KCNT2: variants seen among roughly 807,000 people sequenced by gnomAD.
The protein encoded by KCNT2 is potassium sodium-activated channel subfamily T member 2, also known as potassium channel subfamily T member 2.
A neutral mutation model predicts 153.8 loss-of-function variants in KCNT2; 67 were observed. That is an observed-to-expected ratio of 0.44 (90% CI 0.36 to 0.53). The LOEUF is 0.53. KCNT2 is among the 20% of genes least tolerant of loss of function. The probability of loss-of-function intolerance (pLI) is 0.00; values close to 1 mark genes in which losing one functional copy is unlikely to be tolerated. For missense variants in KCNT2, 975 were observed against 1,354.8 expected (o/e 0.72, Z 4.40); for synonymous variants, 500 against 458.8 (o/e 1.09, Z -1.15).
intron 13 of KCNT2, among the ~76,000 whole-genome samples, chr1:196,394,119 G>A (rs1036818132): frequency 6.6e-6 from 1 of 151,488 alleles, no homozygotes; most frequent in South Asian, 2.1e-4. Context: ...AAAAAATAAT[G>A]ATATTGTGAG....
rs1256068800 is a variant in KCNT2 at position 196,228,240 on chromosome 1, T to G, written c.3392A>C (p.Glu1131Ala). ...ICNVTGQDSR[E>A]ETQL ...TTATTTTTATCAAAGTTGAGTTTCC[T>G]CCCGAGAATCTTGACCAGTGACATT... The change falls in exon 28 of 28, where the codon GAG becomes GCG. Residue 1131 changes from glutamate to alanine, a missense_variant. Around this residue, in one of 6 missense-constraint regions of KCNT2, gnomAD observed 241 missense variants for 271.1 expected, o/e 0.89. Coordinates refer to ENST00000294725, the MANE Select transcript of KCNT2 (RefSeq NM_198503.5). The G allele has an allele frequency of 2.5e-6, 4 of 1,605,698 alleles. No individual in the cohort carries two copies. The highest frequency in any genetic ancestry group is 2.2e-5 in the East Asian group (1 of 44,650).
intron 1 of KCNT2, among the ~76,000 whole-genome samples, chr1:196,577,387 A>G (rs1438087853): frequency 6.6e-6 from 1 of 152,216 alleles, no homozygotes; most frequent in Non-Finnish European, 1.5e-5. Context: ...CACAGTCAGG[A>G]AAAACAGATG....
chr1:196,387,767 G>C (rs73067647), intron 13 of KCNT2, among the ~76,000 whole-genome samples: 7,788 of 151,652 alleles, frequency 0.051, 670 homozygotes, highest in African/African-American at 0.18. Flanking sequence ...GGTTTGTTTG[G>C]ACTCTTAAAA....
rs925076213 is a variant in KCNT2 at position 196,583,400 on chromosome 1, G to A, written c.95+24815C>T. Among the ~76,000 whole-genome samples, 14 of 152,172 alleles carry A rather than the reference G, an allele frequency of 9.2e-5. No homozygotes were observed. The South Asian group carries it at 2.5e-3, about 27-fold the overall frequency. On this transcript the variant is annotated intron_variant, in intron 1 of 27. Transcript: ENST00000294725. ...GACACTGTGGATTGAAATGTCTGCTGAACATGAAAAGACACCCAGTGGAAA... is the reference window on the plus strand; with the variant it reads ...GACACTGTGGATTGAAATGTCTGCTAAACATGAAAAGACACCCAGTGGAAA...
chr1:196,284,226 GT>G (rs1281561482), intron 23 of KCNT2, among the ~76,000 whole-genome samples: 2 of 7,404 alleles, frequency 2.7e-4, no homozygotes, highest in African/African-American at 5.4e-4. Flanking sequence ...GCAAGACTCT[GT>G]CTTAAAAAAA....
chr1:196,523,932 C>G (rs1445732679), intron 1 of KCNT2, among the ~76,000 whole-genome samples: 1 of 152,174 alleles, frequency 6.6e-6, no homozygotes, highest in Non-Finnish European at 1.5e-5. Context: ...TTCCCTCTTA[C>G]TTGTTGACCC....
chr1:196,285,623 CATTTTAGAGAAAATAAAAAG>C lies in KCNT2; in HGVS notation c.2697+14_2697+33del, dbSNP rs754283541. ...AATAAAATCTAAAACAGAAAACAAC[CATTTTAGAGAAAATAAAAAG>C]AAATATTGTATACCTGATACAGCAG... is the stretch of plus-strand genomic sequence containing the variant. On this transcript the variant is annotated intron_variant, in intron 23 of 27. Transcript: ENST00000294725. The C allele has an allele frequency of 6.9e-6, 9 of 1,306,068 alleles. No homozygotes were observed. In the Admixed American group the frequency reaches 1.7e-4, roughly 24 times the overall value. The allele number at this position is 1,306,068 out of a possible 1,614,324, so 80.9% of individuals were successfully genotyped here. A position where few individuals can be genotyped will look rare whatever the true frequency, so the allele number is the denominator to read the frequency against.
At chr1:196,415,773 C>T (rs1171266279) in intron 12 of KCNT2, among the ~76,000 whole-genome samples, 3 of 151,710 alleles carry the variant, frequency 2.0e-5, no homozygotes, top group Non-Finnish European at 4.4e-5. Context: ...TCTTCCTTAC[C>T]CTTTCTATCA....
chr1:196,398,973 C>G (rs993474386), intron 12 of KCNT2, among the ~76,000 whole-genome samples: 3 of 151,212 alleles, frequency 2.0e-5, no homozygotes, highest in Non-Finnish European at 4.4e-5. Context: ...AGACATGTAG[C>G]AAAACTAATA....
intron 23 of KCNT2, among the ~76,000 whole-genome samples, chr1:196,284,248 A>AAAAAAAAAAAAATATATAT: frequency 1.0e-4 from 1 of 10,050 alleles, no homozygotes; most frequent in African/African-American, 1.4e-4. Flanking sequence ...AAAAAAAAAA[A>AAAAAAAAAAAAATATATAT]ATATATATAT....
At chr1:196,488,741 C>T (rs1448664913) in intron 3 of KCNT2, among the ~76,000 whole-genome samples, 3 of 152,110 alleles carry the variant, frequency 2.0e-5, no homozygotes, top group African/African-American at 7.2e-5. Context: ...AATAAAATTG[C>T]TGAGCATCAT....
At chr1:196,374,864 A>T (rs540829256) in intron 13 of KCNT2, among the ~76,000 whole-genome samples, 6 of 151,938 alleles carry the variant, frequency 3.9e-5, no homozygotes, top group Admixed American at 3.3e-4. Flanking sequence ...ATCTGAGAAA[A>T]ATATGTACAT....
chr1:196,329,824 T>C (rs1332410857), intron 18 of KCNT2, among the ~76,000 whole-genome samples: 1 of 146,636 alleles, frequency 6.8e-6, no homozygotes, highest in Non-Finnish European at 1.5e-5. Context: ...TAGGTATATA[T>C]ATGTATATAT....
At chr1:196,533,690 C>T (rs1426150526) in intron 1 of KCNT2, among the ~76,000 whole-genome samples, 1 of 152,054 alleles carries the variant, frequency 6.6e-6, no homozygotes, top group Non-Finnish European at 1.5e-5. Context: ...TTTATTTATT[C>T]ACTCAATAAT....
At chr1:196,416,233 G>T (rs935520776) in intron 12 of KCNT2, among the ~76,000 whole-genome samples, 1 of 151,958 alleles carries the variant, frequency 6.6e-6, no homozygotes, top group African/African-American at 2.4e-5. Context: ...GGCCCAAAGT[G>T]CAAGAGTAGC....
At chr1:196,350,227 T>C (rs933409330) in intron 14 of KCNT2, among the ~76,000 whole-genome samples, 2 of 152,186 alleles carry the variant, frequency 1.3e-5, no homozygotes, top group Non-Finnish European at 2.9e-5. Flanking sequence ...TACCCAGTAA[T>C]GAGATGGCTG....
chr1:196,236,809 G>T (rs1361118682), intron 26 of KCNT2, among the ~76,000 whole-genome samples: 1 of 151,370 alleles, frequency 6.6e-6, no homozygotes, highest in South Asian at 2.1e-4. Context: ...ATAGGACATT[G>T]AAAAAAATAA....
At chr1:196,231,411 G>A (rs980102409) in intron 27 of KCNT2, among the ~76,000 whole-genome samples, 9 of 151,638 alleles carry the variant, frequency 5.9e-5, no homozygotes, top group Non-Finnish European at 1.3e-4. Flanking sequence ...AGCACCTGTA[G>A]GAAACTGTGC....
At chr1:196,365,942 A>T (rs1420320801) in intron 14 of KCNT2, among the ~76,000 whole-genome samples, 1 of 152,144 alleles carries the variant, frequency 6.6e-6, no homozygotes, top group East Asian at 1.9e-4. Context: ...TTTCAAAGTA[A>T]TCCTGTGAGT....
Sources: allele counts gnomAD v4.1 joint callset (sites outside exome capture counted in the v4.1 genomes callset), GRCh38; gene constraint gnomAD v4.1.1; regional missense constraint gnomAD v4.1.1; transcripts MANE v1.5; gene names NCBI Gene and HGNC (gene_info 2026-07-23, HGNC 2026-07-21).